ADAMTS2: variants seen among roughly 807,000 people sequenced by gnomAD.
The protein encoded by ADAMTS2 is A disintegrin and metalloproteinase with thrombospondin motifs 2.
In ADAMTS2, 50 loss-of-function variants were observed where a neutral mutation model predicts 123.0. That is an observed-to-expected ratio of 0.41 (90% CI 0.32 to 0.51). ADAMTS2 has a LOEUF of 0.51. Ranked by LOEUF, ADAMTS2 falls within the 20% of genes least tolerant of loss-of-function variation. ADAMTS2 has a pLI of 0.35. For synonymous variants in ADAMTS2, 678 were observed against 695.4 expected (o/e 0.98, Z 0.39); for missense variants, 1,494 against 1,705.2 (o/e 0.88, Z 2.18).
At chr5:179,166,754 G>A (rs903213916) in intron 5 of ADAMTS2, among the ~76,000 whole-genome samples, 2 of 152,212 alleles carry the variant, frequency 1.3e-5, no homozygotes, top group Admixed American at 1.3e-4. Flanking sequence ...GCTGGCCTCT[G>A]AGTCACTAAA....
chr5:179,335,606 C>T (rs1237602372), intron 2 of ADAMTS2, among the ~76,000 whole-genome samples: 2 of 152,148 alleles, frequency 1.3e-5, no homozygotes, highest in African/African-American at 2.4e-5. Flanking sequence ...GTTTCATTTG[C>T]AACTGACTGG....
rs1762948192 is a variant in ADAMTS2, at chr5:179,130,829, T to C, written c.2291-731A>G. Among the ~76,000 whole-genome samples, 1 of 152,150 alleles carries C rather than the reference T, an allele frequency of 6.6e-6. No individual in the cohort carries two copies. Among genetic ancestry groups the C allele is most frequent in the Non-Finnish European group, 1.5e-5 (1 of 68,036 alleles). On this transcript the variant is annotated intron_variant, in intron 15 of 21. Transcript: ENST00000251582. This position sits in a 1 kb window ranked among gnomAD's most constrained non-coding sequence, Gnocchi z 4.3. ...GTCCACTCACAAACAAAGCCTCTGC[T>C]TGGTGCCACACGTCCCTGCCTTCTC...
At chr5:179,203,162 C>T (rs1202748457) in intron 4 of ADAMTS2, among the ~76,000 whole-genome samples, 3 of 152,232 alleles carry the variant, frequency 2.0e-5, no homozygotes, top group Non-Finnish European at 2.9e-5. Context: ...ACCTCCTCCT[C>T]AGAGCCTGCA....
chr5:179,139,574 C>T (rs1763125172), intron 11 of ADAMTS2, among the ~76,000 whole-genome samples: 1 of 152,156 alleles, frequency 6.6e-6, no homozygotes, highest in Admixed American at 6.5e-5. Context: ...CCCGCTTACC[C>T]CCATTTCCCC....
chr5:179,134,266 G>T (rs3776811), intron 13 of ADAMTS2, among the ~76,000 whole-genome samples: 1 of 151,874 alleles, frequency 6.6e-6, no homozygotes, highest in African/African-American at 2.4e-5. Context: ...CCTCCCAGGG[G>T]TATCCAGTTC....
rs560703299 is a variant in ADAMTS2, at chr5:179,113,318, G to A, written c.*549C>T. ...TCCAGGTGGGTGTGGCTGTCAGGGC[G>A]GCCATGGTCCCCAGCGGGCCACTAC... On this transcript the variant is annotated 3_prime_UTR_variant, in exon 22 of 22. Transcript: ENST00000251582. 6 of 165,812 alleles carry A rather than the reference G, an allele frequency of 3.6e-5. No homozygotes were observed. The highest frequency in any genetic ancestry group is 1.5e-4 in the South Asian group (1 of 6,512). 10.3% of individuals were successfully genotyped at this position (165,812 alleles called of 1,614,324 possible).
At chr5:179,193,174 C>T (rs570469297) in intron 4 of ADAMTS2, among the ~76,000 whole-genome samples, 2 of 152,288 alleles carry the variant, frequency 1.3e-5, no homozygotes, top group South Asian at 4.2e-4. Flanking sequence ...AGGCCCTGTC[C>T]TCGCTGTGCC....
intron 2 of ADAMTS2, among the ~76,000 whole-genome samples, chr5:179,333,619 T>TA: frequency 7.0e-6 from 1 of 143,116 alleles, no homozygotes. Flanking sequence ...TTTTTTTTTT[T>TA]AGACAGAGTC....
At chr5:179,301,060 TGTCCAAGTGGGAGGAACTG>T (rs1360764562) in intron 2 of ADAMTS2, among the ~76,000 whole-genome samples, 1 of 151,884 alleles carries the variant, frequency 6.6e-6, no homozygotes, top group Non-Finnish European at 1.5e-5. Context: ...CTCCTCACTC[TGTCCAAGTGGGAGGAACTG>T]GTCCCAGCTG....
chr5:179,183,423 T>A (rs1444897049), intron 4 of ADAMTS2, among the ~76,000 whole-genome samples: 3 of 152,068 alleles, frequency 2.0e-5, no homozygotes, highest in African/African-American at 7.2e-5. Context: ...ACCTCACAGG[T>A]CATACAGAAC....
intron 3 of ADAMTS2, among the ~76,000 whole-genome samples, chr5:179,244,295 A>T (rs1005470005): frequency 1.3e-5 from 2 of 152,050 alleles, no homozygotes; most frequent in Non-Finnish European, 2.9e-5. Context: ...CTTGCCACAT[A>T]TGTGGGAATC....
chr5:179,293,794 T>G (rs78451851), intron 2 of ADAMTS2, among the ~76,000 whole-genome samples: 7 of 152,102 alleles, frequency 4.6e-5, no homozygotes, highest in African/African-American at 1.7e-4. Context: ...TTTTTTTTTT[T>G]TGTATTTTTT....
intron 2 of ADAMTS2, among the ~76,000 whole-genome samples, chr5:179,299,504 G>C (rs1756447021): frequency 7.0e-6 from 1 of 142,828 alleles, no homozygotes; most frequent in Admixed American, 7.1e-5. Context: ...ACTCCAGCCT[G>C]GGCAACAGAT....
chr5:179,312,690 A>G lies in ADAMTS2; in HGVS notation c.534+31077T>C, dbSNP rs1319859409. Among the ~76,000 whole-genome samples, 1 of 152,150 alleles carries G rather than the reference A, an allele frequency of 6.6e-6. No individual in the cohort carries two copies. Among genetic ancestry groups the G allele is most frequent in the East Asian group, 1.9e-4 (1 of 5,194 alleles). ...CAGGCAGAGCAGAGGGAGATGGAGGATGTCGGCCCTGAAGCCCAGAGCGAA... is the reference window on the plus strand; with the variant it reads ...CAGGCAGAGCAGAGGGAGATGGAGGGTGTCGGCCCTGAAGCCCAGAGCGAA... On this transcript the variant is annotated intron_variant, in intron 2 of 21. Coordinates refer to ENST00000251582, the MANE Select transcript of ADAMTS2 (RefSeq NM_014244.5). The surrounding 1 kb of genome is among the most constrained non-coding windows in gnomAD (Gnocchi z 4.2).
rs553393056 is a variant in ADAMTS2 at position 179,314,555 on chromosome 5, C to T, written c.534+29212G>A. Among the ~76,000 whole-genome samples the T allele has an allele frequency of 1.3e-5, 2 of 152,310 alleles. No individual in the cohort carries two copies. The highest frequency in any genetic ancestry group is 2.4e-5 in the African/African-American group (1 of 41,574). On this transcript the variant is annotated intron_variant, in intron 2 of 21. Transcript: ENST00000251582. The surrounding 1 kb of genome is among the most constrained non-coding windows in gnomAD (Gnocchi z 4.5). ...CAGCGCTCCTGCCTCTGCAGCCCCCCGGGCCGTGTCTCTCTCTCACGGGCC... is the reference window on the plus strand; with the variant it reads ...CAGCGCTCCTGCCTCTGCAGCCCCCTGGGCCGTGTCTCTCTCTCACGGGCC...
At chr5:179,229,434 G>GTC (rs1765360308) in intron 3 of ADAMTS2, among the ~76,000 whole-genome samples, 1 of 92,998 alleles carries the variant, frequency 1.1e-5, no homozygotes, top group South Asian at 4.3e-4. Flanking sequence ...ACTCCCGACG[G>GTC]AGAGGTAATT....
chr5:179,166,588 G>A (rs1253156188), intron 5 of ADAMTS2, among the ~76,000 whole-genome samples: 1 of 148,056 alleles, frequency 6.8e-6, no homozygotes, highest in African/African-American at 2.6e-5. Flanking sequence ...GGGCCCGTGG[G>A]CCTTGGGTGG....
At chr5:179,283,832 G>A (rs1755909265) in intron 2 of ADAMTS2, among the ~76,000 whole-genome samples, 1 of 151,426 alleles carries the variant, frequency 6.6e-6, no homozygotes, top group Non-Finnish European at 1.5e-5. Flanking sequence ...CAGAGTTACA[G>A]TGAGCCGAGA....
chr5:179,327,921 C>T (rs1195994239), intron 2 of ADAMTS2, among the ~76,000 whole-genome samples: 1 of 152,174 alleles, frequency 6.6e-6, no homozygotes, highest in Non-Finnish European at 1.5e-5. Context: ...AAAAAGGAAC[C>T]AAATAATAAC....
Sources: allele counts gnomAD v4.1 joint callset (sites outside exome capture counted in the v4.1 genomes callset), GRCh38; gene constraint gnomAD v4.1.1; non-coding constraint Gnocchi (gnomAD v3.1); transcripts MANE v1.5; gene names NCBI Gene and HGNC (gene_info 2026-07-23, HGNC 2026-07-21).